The following EXPH5 variants were observed in gnomAD, a reference collection of about 807,000 sequenced individuals.
EXPH5 encodes the protein exophilin 5.
EXPH5 carries 42 observed loss-of-function variants against 41.1 expected under a neutral mutation model. That is an observed-to-expected ratio of 1.02 (90% CI 0.80 to 1.32). The LOEUF (loss-of-function observed/expected upper bound fraction) is 1.32. EXPH5 is among the 40% of genes most tolerant of loss of function. The pLI, the probability that EXPH5 is intolerant of heterozygous loss-of-function variation, is 0.00. For missense variants in EXPH5, 2,298 were observed against 2,314.5 expected, an observed-to-expected ratio of 0.99 and a Z score of 0.15; for synonymous variants, 798 against 833.5, an observed-to-expected ratio of 0.96 and a Z score of 0.73.
At chr11:108,603,363 T>C in the EXPH5 span, among the ~76,000 whole-genome samples, 2 of 152,198 alleles carry the variant, frequency 1.3e-5, no homozygotes, top group Non-Finnish European at 2.9e-5. Flanking sequence ...TTATGTTATG[T>C]AAACTTCACC....
intron 5 of EXPH5, 33 bp from the exon 6 acceptor site, chr11:108,514,908 T>C (rs778730240): frequency 1.5e-6 from 2 of 1,361,316 alleles, no homozygotes; most frequent in East Asian, 2.6e-5. Flanking sequence ...CCTTTTTCTG[T>C]ATGTTTTTAC....
At chr11:108,578,089 C>T (rs1031119890) in intron 1 of EXPH5, among the ~76,000 whole-genome samples, 9 of 152,106 alleles carry the variant, frequency 5.9e-5, no homozygotes, top group Admixed American at 6.6e-5. Flanking sequence ...GTCCTTTTGA[C>T]GTCTTACTCA....
Position 108,513,500 on chromosome 11 carries a change from A to T in EXPH5, c.2007T>A (p.His669Gln), listed in dbSNP as rs2093698811. 2 of 1,614,024 alleles carry T rather than the reference A, an allele frequency of 1.2e-6. No homozygotes were observed. Among genetic ancestry groups the T allele is most frequent in the Non-Finnish European group, 1.7e-6 (2 of 1,180,000 alleles). Residue 669 changes from histidine (H) to glutamine (Q), a missense_variant, in exon 6 of 6, where the codon CAT (histidine) becomes CAA (glutamine). His to Gln is a conservative substitution (Grantham distance 24, BLOSUM62 0). Coordinates refer to ENST00000265843, the MANE Select transcript of EXPH5 (RefSeq NM_015065.3). The part of the protein sequence containing the change: ...NKPASHPMRS[H>Q]TEVTVTSSNS... The stretch of plus-strand genomic sequence containing the variant: ...TGCTGCTGGTCACAGTGACTTCTGT[A>T]TGGCTTCTCATTGGATGAGAGGCAG...
chr11:108,595,733 T>C (rs2136135400), upstream of EXPH5, among the ~76,000 whole-genome samples: 1 of 152,294 alleles, frequency 6.6e-6, no homozygotes, highest in Middle Eastern at 3.4e-3. Flanking sequence ...AAAAGGTGCA[T>C]TGTGGGGACA....
the EXPH5 span, among the ~76,000 whole-genome samples, chr11:108,605,053 T>A: frequency 6.6e-6 from 1 of 152,072 alleles, no homozygotes; most frequent in African/African-American, 2.4e-5. Flanking sequence ...AAGAACAAGA[T>A]CACTGGGATT....
chr11:108,544,837 C>A (rs183503195), intron 1 of EXPH5, among the ~76,000 whole-genome samples: 1,821 of 152,178 alleles, frequency 0.012, 22 homozygotes, highest in Non-Finnish European at 0.022. Flanking sequence ...CACACACACA[C>A]AAAAAATGGA....
upstream of EXPH5, among the ~76,000 whole-genome samples, chr11:108,596,204 T>G (rs991891084): frequency 6.6e-6 from 1 of 151,048 alleles, no homozygotes; most frequent in Non-Finnish European, 1.5e-5. Context: ...AAAAAAAAAA[T>G]TGAACTTTGG....
intron 1 of EXPH5, among the ~76,000 whole-genome samples, chr11:108,551,301 A>G (rs542287173): frequency 6.6e-6 from 1 of 152,366 alleles, no homozygotes; most frequent in South Asian, 2.1e-4. Context: ...GACTTTTGCC[A>G]ATTAAACAGG....
At chr11:108,546,569 T>C (rs1310736614) in intron 1 of EXPH5, among the ~76,000 whole-genome samples, 2 of 152,194 alleles carry the variant, frequency 1.3e-5, no homozygotes, top group Non-Finnish European at 2.9e-5. Context: ...ACAGATATCA[T>C]GCATACATAA....
chr11:108,510,882 T>C lies in EXPH5; in HGVS notation c.4625A>G (p.Gln1542Arg), dbSNP rs376594541. The change falls in exon 6 of 6, where the codon CAA becomes CGA. Residue 1542 changes from glutamine to arginine, a missense_variant. Coordinates refer to ENST00000265843, the MANE Select transcript of EXPH5 (RefSeq NM_015065.3). The stretch of plus-strand genomic sequence containing the variant: ...TGTCATATTTGCCTCCTGACTTCTT[T>C]GAGGTAATTCTCTTGGTTCAGACTG... ...SLQSEPRELP[Q>R]RSQEANMTES... The C allele has an allele frequency of 1.9e-6, 3 of 1,614,140 alleles. No individual in the cohort carries two copies. The highest frequency in any genetic ancestry group is 2.5e-6 in the Non-Finnish European group (3 of 1,180,054).
In EXPH5 at chr11:108,593,641, CAAT is replaced by C. The variant is rs931452408; in HGVS notation, c.-108_-106del. 2.5e-6 allele frequency: 4 copies of C among 1,595,832 alleles called. No homozygotes were observed. Among genetic ancestry groups the C allele is most frequent in the African/African-American group, 1.3e-5 (1 of 74,576 alleles). On this transcript the variant is annotated 5_prime_UTR_variant, in exon 1 of 6. Transcript: ENST00000265843. ...AGTTTCACGAACTTGATCCCACAGC[CAAT>C]AATAAGTCCGCCCCTTTGAAAGTCT...
rs1368265008 is a variant in EXPH5, at chr11:108,511,282, T to G, written c.4225A>C (p.Lys1409Gln). Reference protein sequence around the residue: ...MLQRKNVSEEKSENCQQSINS... With the variant: ...MLQRKNVSEEQSENCQQSINS... ...ATGGATTGTTGACAATTTTCAGATT[T>G]TTCTTCGGATACATTTTTTCTCTGA... Residue 1409 changes from lysine to glutamine, a missense_variant, in exon 6 of 6, where the codon AAA becomes CAA. Physicochemically the swap from Lys to Gln is moderately conservative, Grantham distance 53. Transcript: ENST00000265843. 6.2e-7 allele frequency: 1 copy of G among 1,604,522 alleles called. No individual in the cohort carries two copies. The highest frequency in any genetic ancestry group is 1.3e-5 in the African/African-American group (1 of 74,260).
At chr11:108,518,086 T>C (rs931304570) in intron 5 of EXPH5, 149 bp downstream of exon 5, 13 of 651,160 alleles carry the variant, frequency 2.0e-5, no homozygotes, top group Non-Finnish European at 3.1e-5. Flanking sequence ...TAATAACATA[T>C]CAGCATCCTC....
At chr11:108,575,147 T>C (rs1256770505) in intron 1 of EXPH5, among the ~76,000 whole-genome samples, 1 of 152,208 alleles carries the variant, frequency 6.6e-6, no homozygotes, top group Non-Finnish European at 1.5e-5. Flanking sequence ...ATAGTAAACA[T>C]ATGAAAATAG....
At chr11:108,597,704 C>T (rs557641513), upstream of EXPH5, among the ~76,000 whole-genome samples, 3 of 152,068 alleles carry the variant, frequency 2.0e-5, no homozygotes, top group Admixed American at 1.3e-4. Flanking sequence ...TCTTGTGTAA[C>T]ATTGTTCTGG....
chr11:108,581,605 G>GA (rs2094098427), intron 1 of EXPH5, among the ~76,000 whole-genome samples: 2 of 151,560 alleles, frequency 1.3e-5, no homozygotes, highest in Admixed American at 6.6e-5. Flanking sequence ...TAAGAAATGA[G>GA]AAAAAAATAG....
At chr11:108,558,697 A>C (rs774278288) in intron 1 of EXPH5, among the ~76,000 whole-genome samples, 1 of 152,238 alleles carries the variant, frequency 6.6e-6, no homozygotes, top group Non-Finnish European at 1.5e-5. Context: ...ACTTTATAGA[A>C]AATGAAGGCA....
chr11:108,584,575 T>A (rs761664873), intron 1 of EXPH5, among the ~76,000 whole-genome samples: 1 of 151,522 alleles, frequency 6.6e-6, no homozygotes, highest in Non-Finnish European at 1.5e-5. Context: ...GGAAAAGACA[T>A]AGAGGTCTAT....
chr11:108,607,394 TA>T, the EXPH5 span, among the ~76,000 whole-genome samples: 1 of 152,194 alleles, frequency 6.6e-6, no homozygotes. Context: ...TCATTCAATG[TA>T]AAAATATCCT....
Sources: allele counts gnomAD v4.1 joint callset (sites outside exome capture counted in the v4.1 genomes callset), GRCh38; gene constraint gnomAD v4.1.1; transcripts MANE v1.5; gene names NCBI Gene and HGNC (gene_info 2026-07-23, HGNC 2026-07-21).